RHBDD1: variants seen among roughly 807,000 people sequenced by gnomAD.
The protein encoded by RHBDD1 is rhomboid-related protein 4.
RHBDD1 carries 38 observed loss-of-function variants against 36.3 expected under a neutral mutation model. The observed-to-expected ratio is 1.05, with a 90% CI of 0.81 to 1.37. The LOEUF (loss-of-function observed/expected upper bound fraction) is 1.37. Among genes scored for constraint, RHBDD1 ranks in the 40% most tolerant of loss-of-function variants. The pLI is 0.00. For missense variants in RHBDD1, 393 were observed against 377.6 expected, an observed-to-expected ratio of 1.04 and a Z score of -0.34; for synonymous variants, 151 against 136.5, an observed-to-expected ratio of 1.11 and a Z score of -0.74.
intron 3 of RHBDD1, among the ~76,000 whole-genome samples, chr2:226,858,032 T>C (rs1330420748): frequency 1.3e-5 from 2 of 152,166 alleles, no homozygotes; most frequent in African/African-American, 4.8e-5. Flanking sequence ...CTGTTCAAGG[T>C]CATCGCCAAG....
intron 5 of RHBDD1, among the ~76,000 whole-genome samples, chr2:226,890,661 A>T (rs1169533923): frequency 1.3e-5 from 2 of 152,186 alleles, no homozygotes; most frequent in Non-Finnish European, 1.5e-5. Flanking sequence ...TCTTTGTGTT[A>T]CATACATTCC....
intron 3 of RHBDD1, among the ~76,000 whole-genome samples, chr2:226,844,618 G>C (rs1942025001): frequency 6.6e-6 from 1 of 152,332 alleles, no homozygotes; most frequent in African/African-American, 2.4e-5. Flanking sequence ...GAAATCTGGT[G>C]CAGAGTAAAC....
the RHBDD1 span, among the ~76,000 whole-genome samples, chr2:226,816,375 C>CAAAAAAAAAAAAAAA: frequency 3.9e-4 from 25 of 64,930 alleles, no homozygotes; most frequent in African/African-American, 1.2e-3. Flanking sequence ...GGAATGGTGG[C>CAAAAAAAAAAAAAAA]AAAAAAAAAA....
At chr2:226,868,319 A>C (rs991097674) in intron 5 of RHBDD1, among the ~76,000 whole-genome samples, 1 of 152,174 alleles carries the variant, frequency 6.6e-6, no homozygotes, top group African/African-American at 2.4e-5. Flanking sequence ...ATCAACAAAC[A>C]GTTTGTGGTA....
chr2:226,950,950 G>A (rs532432557), intron 8 of RHBDD1, among the ~76,000 whole-genome samples: 48 of 152,076 alleles, frequency 3.2e-4, no homozygotes, highest in African/African-American at 1.1e-3. Flanking sequence ...TTCCTTTGTG[G>A]TGCAGAAGCT....
At chr2:226,940,891 C>A (rs1356035367) in intron 8 of RHBDD1, among the ~76,000 whole-genome samples, 1 of 151,942 alleles carries the variant, frequency 6.6e-6, no homozygotes, top group African/African-American at 2.4e-5. Context: ...GGTCTGTGGG[C>A]AGCCTGGGAG....
At chr2:226,966,954 A>C (rs1952684279) in intron 8 of RHBDD1, among the ~76,000 whole-genome samples, 1 of 152,068 alleles carries the variant, frequency 6.6e-6, no homozygotes. Flanking sequence ...TGTTTTAATA[A>C]GCTCTGCAGA....
At chr2:226,810,540 C>CAAAAAAAAAAAAAAAAAAA in the RHBDD1 span, among the ~76,000 whole-genome samples, 1 of 33,882 alleles carries the variant, frequency 3.0e-5, no homozygotes, top group African/African-American at 1.4e-4. Context: ...GACTCCGTCT[C>CAAAAAAAAAAAAAAAAAAA]AAAAAAAAAA....
At chr2:226,892,714 T>C (rs978526003) in intron 5 of RHBDD1, among the ~76,000 whole-genome samples, 3 of 152,204 alleles carry the variant, frequency 2.0e-5, no homozygotes, top group Admixed American at 1.3e-4. Flanking sequence ...GTTTTTCTTA[T>C]TGGCCCAATA....
chr2:226,810,223 T>G, the RHBDD1 span, among the ~76,000 whole-genome samples: 2 of 152,106 alleles, frequency 1.3e-5, no homozygotes, highest in East Asian at 3.8e-4. Flanking sequence ...ATACTGTATT[T>G]TTAAAATAAA....
At chr2:226,906,287 G>A (rs1002216678) in intron 5 of RHBDD1, among the ~76,000 whole-genome samples, 2 of 152,174 alleles carry the variant, frequency 1.3e-5, no homozygotes, top group Non-Finnish European at 2.9e-5. Flanking sequence ...GTGGATGCAG[G>A]TGGGCATCTC....
intron 3 of RHBDD1, among the ~76,000 whole-genome samples, chr2:226,858,253 T>G (rs564077797): frequency 2.8e-4 from 42 of 152,330 alleles, no homozygotes; most frequent in Admixed American, 1.2e-3. Flanking sequence ...ATGAAAGTAG[T>G]GCTAATGATA....
rs564130165 is a variant in RHBDD1, at chr2:226,940,170, A to G, written c.856+25819A>G. Among the ~76,000 whole-genome samples, 12 of 152,304 alleles carry G rather than the reference A, an allele frequency of 7.9e-5. No homozygotes were observed. The South Asian group carries it at 2.3e-3, about 29-fold the overall frequency. On this transcript the variant is annotated intron_variant, in intron 8 of 8. Coordinates refer to ENST00000392062, the MANE Select transcript of RHBDD1 (RefSeq NM_001167608.3). ...CAAAAACTGTAAAAACCCTAGAGGA[A>G]AACCTAGGCAATTGTTGGGATTCGA...
chr2:226,811,464 G>A, the RHBDD1 span, among the ~76,000 whole-genome samples: 1 of 152,136 alleles, frequency 6.6e-6, no homozygotes, highest in Admixed American at 6.5e-5. Flanking sequence ...ACCATGCCCA[G>A]CTAATTTTTT....
chr2:226,960,198 T>G (rs1952087981), intron 8 of RHBDD1, among the ~76,000 whole-genome samples: 1 of 152,236 alleles, frequency 6.6e-6, no homozygotes, highest in South Asian at 2.1e-4. Flanking sequence ...CACCAGTGTT[T>G]GAGAGTTCGA....
chr2:226,803,445 G>A, the RHBDD1 span, among the ~76,000 whole-genome samples: 2 of 152,032 alleles, frequency 1.3e-5, no homozygotes, highest in Admixed American at 6.6e-5. Context: ...ACTTGAAATG[G>A]GCTATAACTC....
intron 8 of RHBDD1, among the ~76,000 whole-genome samples, chr2:226,951,827 A>G (rs1951445764): frequency 1.3e-5 from 2 of 152,236 alleles, no homozygotes; most frequent in Non-Finnish European, 2.9e-5. Context: ...AAAGAGAATA[A>G]CCTTTGTTGT....
intron 8 of RHBDD1, among the ~76,000 whole-genome samples, chr2:226,954,110 G>T (rs1951620437): frequency 6.6e-6 from 1 of 152,172 alleles, no homozygotes; most frequent in Admixed American, 6.5e-5. Context: ...GCTGTGCTGA[G>T]AGGATGGCAA....
intron 6 of RHBDD1, 175 bp from the exon 7 acceptor site, chr2:226,908,647 A>ACG (rs1281196877): frequency 6.4e-6 from 4 of 620,364 alleles, no homozygotes; most frequent in Non-Finnish European, 1.2e-5. Context: ...GGACACACAC[A>ACG]CACTCTTTTC....
Sources: gnomAD v4.1 joint callset for allele counts (sites outside exome capture counted in the v4.1 genomes callset) on GRCh38, gnomAD v4.1.1 for gene constraint, MANE v1.5 for transcripts, NCBI Gene and HGNC (gene_info 2026-07-23, HGNC 2026-07-21) for gene names.